TBC1D4: variants seen among roughly 807,000 people sequenced by gnomAD.
TBC1D4 encodes the protein TBC1 domain family member 4.
In TBC1D4, 121 loss-of-function variants were observed where a neutral mutation model predicts 142.5. That is an observed-to-expected ratio of 0.85 (90% CI 0.73 to 0.99). The LOEUF (loss-of-function observed/expected upper bound fraction) is 0.99. Ranked by LOEUF, TBC1D4 falls within the 50% of genes least tolerant of loss-of-function variation. The pLI is 0.00. For synonymous variants in TBC1D4, 630 were observed against 628.2 expected, an observed-to-expected ratio of 1.00 and a Z score of -0.04; for missense variants, 1,475 against 1,606.6, an observed-to-expected ratio of 0.92 and a Z score of 1.40.
chr13:75,286,953 A>C lies in TBC1D4; in HGVS notation c.3736T>G (p.Ser1246Ala). The change falls in exon 21 of 21, where the codon TCT becomes GCT. Residue 1246 changes from serine (S) to alanine (A), a missense_variant. Physicochemically the swap from Ser to Ala is moderately conservative, Grantham distance 99 (BLOSUM62 1). Coordinates refer to ENST00000377636, the MANE Select transcript of TBC1D4 (RefSeq NM_014832.5). ...TCTTGTTCCAGGGTCCGGATTAAAG[A>C]CTTCATTTTGGTCTCTCTCGTCAAA... ...NLLTRETKMK[S>A]LIRTLEQEKM... 6.2e-7 allele frequency: 1 copy of C among 1,613,890 alleles called. No individual in the cohort carries two copies. The highest frequency in any genetic ancestry group is 1.6e-4 in the Middle Eastern group (1 of 6,062).
intron 13 of TBC1D4, among the ~76,000 whole-genome samples, chr13:75,310,652 T>C (rs2137931190): frequency 1.3e-5 from 2 of 152,274 alleles, no homozygotes; most frequent in Middle Eastern, 6.8e-3. Context: ...CTTTTTCAAT[T>C]TTTATTTTAG....
intron 1 of TBC1D4, among the ~76,000 whole-genome samples, chr13:75,374,522 T>A (rs1192560214): frequency 6.6e-6 from 1 of 152,146 alleles, no homozygotes; most frequent in Non-Finnish European, 1.5e-5. Flanking sequence ...AACACCTCCT[T>A]AGGTCTACAT....
chr13:75,453,428 T>A (rs530372134), intron 1 of TBC1D4, among the ~76,000 whole-genome samples: 1 of 152,290 alleles, frequency 6.6e-6, no homozygotes, highest in South Asian at 2.1e-4. Context: ...TTCTTCTTCA[T>A]AAATACTGCC....
At chr13:75,446,316 G>A (rs1887282394) in intron 1 of TBC1D4, among the ~76,000 whole-genome samples, 1 of 152,218 alleles carries the variant, frequency 6.6e-6, no homozygotes, top group African/African-American at 2.4e-5. Context: ...GTAATGTTGT[G>A]CAAGCATCAC....
At position 75,302,878 on chromosome 13, in the gene TBC1D4, C is replaced by A. The variant is rs564848274; in HGVS notation, c.2753-477G>T. On this transcript the variant is annotated intron_variant, in intron 15 of 20. Transcript: ENST00000377636. The stretch of plus-strand genomic sequence containing the variant: ...GTTTCAGAGGCCAAATCCTGATATC[C>A]CAAAGTGTATTACTGCCTATTTTCA... The A allele has an allele frequency of 3.6e-4, 74 of 206,010 alleles. 1 individual carries two copies. Among genetic ancestry groups the A allele is most frequent in the African/African-American group, 1.6e-3 (70 of 42,904 alleles). The allele number at this position is 206,010 out of a possible 1,614,324, so 12.8% of individuals were successfully genotyped here.
chr13:75,410,318 A>C (rs1885583954), intron 1 of TBC1D4, among the ~76,000 whole-genome samples: 1 of 152,294 alleles, frequency 6.6e-6, no homozygotes, highest in South Asian at 2.1e-4. Flanking sequence ...CACACACAGT[A>C]ATCCAGGTGC....
chr13:75,335,850 C>T (rs1405187074), intron 8 of TBC1D4, among the ~76,000 whole-genome samples: 4 of 152,124 alleles, frequency 2.6e-5, no homozygotes, highest in Middle Eastern at 3.2e-3. Context: ...TCAATGAAAC[C>T]TCTTTTCTTT....
intron 15 of TBC1D4, among the ~76,000 whole-genome samples, chr13:75,305,129 C>T (rs563495463): frequency 2.8e-4 from 42 of 152,244 alleles, no homozygotes; most frequent in Non-Finnish European, 5.4e-4. Flanking sequence ...AAGGAGAAAC[C>T]CCTTTCACTT....
chr13:75,478,565 C>A lies in TBC1D4; in HGVS notation c.498+2705G>T, dbSNP rs1290814116. Among the ~76,000 whole-genome samples, 3 of 152,308 alleles carry A rather than the reference C, an allele frequency of 2.0e-5. No homozygotes were observed. The East Asian group carries it at 5.8e-4, about 29-fold the overall frequency. ...AGTCCAAATAAATAATTCTCCACTT[C>A]AAATATAGAACTCAGAACAAAGCAA... On this transcript the variant is annotated intron_variant, in intron 1 of 20. Transcript: ENST00000377636.
At chr13:75,409,706 T>C (rs146234857) in intron 1 of TBC1D4, among the ~76,000 whole-genome samples, 1 of 152,358 alleles carries the variant, frequency 6.6e-6, no homozygotes, top group African/African-American at 2.4e-5. Context: ...TGAATTTATA[T>C]TCTGCTGTCA....
At chr13:75,315,781 A>C (rs1186321385) in intron 12 of TBC1D4, among the ~76,000 whole-genome samples, 2 of 152,188 alleles carry the variant, frequency 1.3e-5, no homozygotes, top group Non-Finnish European at 2.9e-5. Context: ...TAAATAAAAG[A>C]TCTACCTTCT....
At chr13:75,414,383 G>C (rs1885823079) in intron 1 of TBC1D4, among the ~76,000 whole-genome samples, 1 of 152,210 alleles carries the variant, frequency 6.6e-6, no homozygotes, top group African/African-American at 2.4e-5. Flanking sequence ...AAGTCAGACT[G>C]AGAAGTCCAG....
At chr13:75,289,141 C>G (rs761313930) in intron 19 of TBC1D4, 31 bp from the exon 20 acceptor site, 22 of 1,612,136 alleles carry the variant, frequency 1.4e-5, no homozygotes, top group Non-Finnish European at 1.9e-5. Flanking sequence ...GTTAGGCTAG[C>G]CTTTGGTATG....
chr13:75,454,554 G>T (rs1887651094), intron 1 of TBC1D4, among the ~76,000 whole-genome samples: 1 of 152,168 alleles, frequency 6.6e-6, no homozygotes, highest in Admixed American at 6.5e-5. Flanking sequence ...AGTAAAAGAT[G>T]TTATCAGATC....
At chr13:75,359,648 G>T in intron 3 of TBC1D4, 121 bp downstream of exon 3, 1 of 793,348 alleles carries the variant, frequency 1.3e-6, no homozygotes, top group South Asian at 1.8e-5. Context: ...TTCCCTTTAA[G>T]AATAAAAATT....
chr13:75,469,152 G>C (rs1354274766), intron 1 of TBC1D4, among the ~76,000 whole-genome samples: 8 of 152,168 alleles, frequency 5.3e-5, no homozygotes, highest in African/African-American at 1.9e-4. Context: ...TTTAAGAGTT[G>C]AGCTTGTTTA....
In TBC1D4 at chr13:75,294,859, ACT is replaced by A; in HGVS notation, c.3309_3310del (p.Arg1103SerfsTer3). The A allele has an allele frequency of 6.2e-7, 1 of 1,613,740 alleles. No homozygotes were observed. The highest frequency in any genetic ancestry group is 8.5e-7 in the Non-Finnish European group (1 of 1,179,770). On this transcript the variant is annotated frameshift_variant, in exon 18 of 21. Transcript: ENST00000377636. LOFTEE classifies it high-confidence loss of function. ...TAATTACAGGTATCTCTTACCAAAA[ACT>A]CTGGCTACAAATCCTAATGAAAACT... is the stretch of plus-strand genomic sequence containing the variant.
At chr13:75,419,843 G>A (rs1469882196) in intron 1 of TBC1D4, among the ~76,000 whole-genome samples, 1 of 152,230 alleles carries the variant, frequency 6.6e-6, no homozygotes, top group Non-Finnish European at 1.5e-5. Flanking sequence ...CTCATCAGGG[G>A]TGATAGGACG....
intron 7 of TBC1D4, 39 bp downstream of exon 7, chr13:75,341,083 AAAC>A: frequency 6.3e-7 from 1 of 1,575,822 alleles, no homozygotes; most frequent in South Asian, 1.1e-5. Context: ...CAAAATTATT[AAAC>A]AACAACAAAA....
Sources: gnomAD v4.1 joint callset for allele counts (sites outside exome capture counted in the v4.1 genomes callset) on GRCh38, gnomAD v4.1.1 for gene constraint, MANE v1.5 for transcripts, NCBI Gene and HGNC (gene_info 2026-07-23, HGNC 2026-07-21) for gene names.